CDH13: variants seen among roughly 807,000 people sequenced by gnomAD.
CDH13 encodes cadherin-13.
A neutral mutation model predicts 63.8 loss-of-function variants in CDH13; 24 were observed. The observed-to-expected ratio is 0.38, with a 90% CI of 0.27 to 0.53. The LOEUF is 0.53. Among genes scored for constraint, CDH13 ranks in the 20% least tolerant of loss-of-function variants. The pLI, the probability that CDH13 is intolerant of heterozygous loss-of-function variation, is 0.85. For missense variants in CDH13, 1,049 were observed against 903.1 expected (o/e 1.16, Z -2.07); for synonymous variants, 503 against 355.3 (o/e 1.42, Z -4.67).
chr16:83,252,107 T>C (rs867440919), intron 5 of CDH13, among the ~76,000 whole-genome samples: 5 of 135,946 alleles, frequency 3.7e-5, no homozygotes, highest in South Asian at 2.3e-4. Flanking sequence ...ATATATATTA[T>C]ACACACACAC....
intron 2 of CDH13, among the ~76,000 whole-genome samples, chr16:83,017,677 A>C (rs1012946746): frequency 2.0e-5 from 3 of 152,334 alleles, no homozygotes; most frequent in South Asian, 4.2e-4. Flanking sequence ...TAGACATCAA[A>C]CATGAAATAC....
chr16:83,098,495 T>C (rs530766489), intron 3 of CDH13, among the ~76,000 whole-genome samples: 1 of 152,324 alleles, frequency 6.6e-6, no homozygotes, highest in African/African-American at 2.4e-5. Context: ...TTATTTTTGG[T>C]TTGGATGAAG....
chr16:83,699,415 G>C (rs1004676531), intron 10 of CDH13, among the ~76,000 whole-genome samples: 4 of 152,234 alleles, frequency 2.6e-5, no homozygotes, highest in African/African-American at 9.6e-5. Flanking sequence ...AGTCCTGACT[G>C]CATGCCCCGT....
intron 5 of CDH13, among the ~76,000 whole-genome samples, chr16:83,238,246 G>A (rs937088168): frequency 3.3e-5 from 5 of 151,866 alleles, no homozygotes; most frequent in Non-Finnish European, 7.4e-5. Context: ...GAGATTTAGT[G>A]GACTTACAGT....
At chr16:82,979,461 G>A (rs1025821842) in intron 2 of CDH13, among the ~76,000 whole-genome samples, 7 of 152,198 alleles carry the variant, frequency 4.6e-5, no homozygotes, top group Admixed American at 2.6e-4. Flanking sequence ...GGGGGGAGAC[G>A]ACTGGATCAT....
chr16:83,454,753 C>T (rs1173954883), intron 6 of CDH13, among the ~76,000 whole-genome samples: 1 of 151,908 alleles, frequency 6.6e-6, no homozygotes, highest in African/African-American at 2.4e-5. Context: ...ATTACACAGG[C>T]AGGATTGCAG....
chr16:83,008,149 G>A (rs749627823), intron 2 of CDH13, among the ~76,000 whole-genome samples: 18 of 152,038 alleles, frequency 1.2e-4, no homozygotes, highest in African/African-American at 2.9e-4. Flanking sequence ...TTACATTCTC[G>A]TGAAAGAGGC....
intron 1 of CDH13, among the ~76,000 whole-genome samples, chr16:82,733,865 A>C (rs1332891314): frequency 2.0e-5 from 3 of 152,256 alleles, no homozygotes; most frequent in Admixed American, 1.3e-4. Context: ...TGCATTCAGC[A>C]AATAAGTACA....
At chr16:82,968,443 A>AGG (rs1167702137) in intron 2 of CDH13, among the ~76,000 whole-genome samples, 1 of 152,190 alleles carries the variant, frequency 6.6e-6, no homozygotes, top group Non-Finnish European at 1.5e-5. Context: ...GTAGGGATGA[A>AGG]GGGGGTTAAG....
At chr16:82,692,515 G>C (rs1336782271) in intron 1 of CDH13, among the ~76,000 whole-genome samples, 2 of 152,134 alleles carry the variant, frequency 1.3e-5, no homozygotes, top group Non-Finnish European at 2.9e-5. Flanking sequence ...ACTACCATGA[G>C]AATGACATGG....
At chr16:83,431,727 CT>C (rs2072115429) in intron 6 of CDH13, among the ~76,000 whole-genome samples, 1 of 152,100 alleles carries the variant, frequency 6.6e-6, no homozygotes, top group African/African-American at 2.4e-5. Context: ...ACAACCAGGT[CT>C]CATAAGAACT....
At chr16:83,489,454 T>C (rs1265620956) in intron 7 of CDH13, among the ~76,000 whole-genome samples, 2 of 152,182 alleles carry the variant, frequency 1.3e-5, no homozygotes, top group Non-Finnish European at 2.9e-5. Context: ...GCAACATCAG[T>C]GCAATCCAAA....
rs1911519476 is a variant in CDH13, at chr16:82,658,174, A to AT, written c.45+31039dup. ...CTATTGATATGTGCATGTGATATCT[A>AT]TTGATATGTGCATATGAGCCTCCTG... is the stretch of plus-strand genomic sequence containing the variant. On this transcript the variant is annotated intron_variant, in intron 1 of 13. Coordinates refer to ENST00000567109, the MANE Select transcript of CDH13 (RefSeq NM_001257.5). Among the ~76,000 whole-genome samples, 5 of 152,298 alleles carry AT rather than the reference A, an allele frequency of 3.3e-5. No individual in the cohort carries two copies. The South Asian group carries it at 1.0e-3, about 32-fold the overall frequency.
intron 2 of CDH13, among the ~76,000 whole-genome samples, chr16:82,958,298 A>G (rs1353880095): frequency 6.6e-6 from 1 of 152,206 alleles, no homozygotes; most frequent in Non-Finnish European, 1.5e-5. Flanking sequence ...TGTCTGATAT[A>G]TCGTTCATGC....
chr16:83,059,895 G>A (rs551701573), intron 3 of CDH13, among the ~76,000 whole-genome samples: 1 of 146,288 alleles, frequency 6.8e-6, no homozygotes, highest in Non-Finnish European at 1.5e-5. Flanking sequence ...CCTGGTTCTC[G>A]CCATTCTCCT....
At chr16:83,667,557 C>T (rs1472237606) in intron 8 of CDH13, among the ~76,000 whole-genome samples, 6 of 152,130 alleles carry the variant, frequency 3.9e-5, no homozygotes, top group African/African-American at 1.4e-4. Context: ...AGGGCTGAGT[C>T]ATCCATTAGG....
At chr16:83,691,816 T>C (rs1297707749) in intron 10 of CDH13, among the ~76,000 whole-genome samples, 1 of 152,140 alleles carries the variant, frequency 6.6e-6, no homozygotes, top group Non-Finnish European at 1.5e-5. Flanking sequence ...CCAGGCTAGG[T>C]TGGCCGCTTT....
At chr16:82,882,423 C>T (rs1488228926) in intron 2 of CDH13, among the ~76,000 whole-genome samples, 24 of 152,170 alleles carry the variant, frequency 1.6e-4, no homozygotes. Context: ...TGCCAATGAC[C>T]ACCAGCATTG....
intron 3 of CDH13, among the ~76,000 whole-genome samples, chr16:83,092,419 A>G (rs1192364628): frequency 6.6e-6 from 1 of 152,240 alleles, no homozygotes; most frequent in Admixed American, 6.5e-5. Flanking sequence ...GTCTTAGATG[A>G]TTAAAACAAG....
Sources: gnomAD v4.1 joint callset for allele counts (sites outside exome capture counted in the v4.1 genomes callset) on GRCh38, gnomAD v4.1.1 for gene constraint, MANE v1.5 for transcripts, NCBI Gene and HGNC (gene_info 2026-07-23, HGNC 2026-07-21) for gene names.